The following PRKCE variants were observed in gnomAD, a reference collection of about 807,000 sequenced individuals.
PRKCE encodes protein kinase C epsilon, also known as protein kinase C epsilon type.
Under a neutral mutation model 85.4 loss-of-function variants are expected in PRKCE, and 16 were observed. The observed-to-expected ratio is 0.19, with a 90% CI of 0.13 to 0.28. PRKCE has a LOEUF of 0.28. PRKCE is among the 10% of genes least tolerant of loss of function. The probability of loss-of-function intolerance (pLI) is 1.00; values close to 1 mark genes in which losing one functional copy is unlikely to be tolerated. For missense variants in PRKCE, 573 were observed against 975.2 expected, an observed-to-expected ratio of 0.59 and a Z score of 5.49; for synonymous variants, 388 against 371.5, an observed-to-expected ratio of 1.04 and a Z score of -0.51.
rs984134612 is a variant in PRKCE at position 45,903,885 on chromosome 2, T to C, written c.412+60822T>C. On this transcript the variant is annotated intron_variant, in intron 2 of 14. Transcript: ENST00000306156. ...ATGAGAGCTTGTAGCCTGGCAGTTT[T>C]TTTTTGTTTGTTTGTTTGTTTGTTT... Among the ~76,000 whole-genome samples the C allele has an allele frequency of 3.2e-4, 34 of 105,898 alleles. 1 individual carries two copies. In the East Asian group the frequency reaches 8.9e-3, roughly 28 times the overall value. 69.5% of individuals were successfully genotyped at this position (105,898 alleles called of 152,430 possible).
intron 1 of PRKCE, among the ~76,000 whole-genome samples, chr2:45,737,330 GTCATCCC>G (rs1437736283): frequency 6.6e-6 from 1 of 152,178 alleles, no homozygotes; most frequent in Non-Finnish European, 1.5e-5. Flanking sequence ...TCTTCAAGGA[GTCATCCC>G]TCACTCCCCA....
chr2:46,101,551 G>T (rs963574865), intron 11 of PRKCE, among the ~76,000 whole-genome samples: 2 of 152,186 alleles, frequency 1.3e-5, no homozygotes, highest in East Asian at 1.9e-4. Context: ...CACAAATAGA[G>T]GCCAGGGACC....
intron 1 of PRKCE, among the ~76,000 whole-genome samples, chr2:45,659,550 A>G (rs868698449): frequency 2.6e-5 from 4 of 152,086 alleles, no homozygotes; most frequent in South Asian, 2.1e-4. Flanking sequence ...CAAGACCAAC[A>G]AAGTCAGGCC....
chr2:45,829,795 C>T (rs1202825232), intron 1 of PRKCE, among the ~76,000 whole-genome samples: 3 of 152,036 alleles, frequency 2.0e-5, no homozygotes, highest in African/African-American at 7.2e-5. Flanking sequence ...AAGGCTCGGC[C>T]GGGCGCGGTG....
intron 2 of PRKCE, among the ~76,000 whole-genome samples, chr2:45,885,356 G>T: frequency 6.6e-6 from 1 of 152,004 alleles, no homozygotes. Flanking sequence ...CGACCCTAGG[G>T]AACAGAGCAA....
chr2:45,901,415 C>A (rs981396022), intron 2 of PRKCE, among the ~76,000 whole-genome samples: 1 of 152,206 alleles, frequency 6.6e-6, no homozygotes, highest in Non-Finnish European at 1.5e-5. Flanking sequence ...TTTTTAGGAA[C>A]TAGATCCAAT....
chr2:45,717,265 T>A (rs952435925), intron 1 of PRKCE, among the ~76,000 whole-genome samples: 13 of 152,198 alleles, frequency 8.5e-5, no homozygotes, highest in Admixed American at 6.5e-4. Flanking sequence ...GCATCCAGGT[T>A]TGTGTGTCTG....
chr2:45,864,772 T>A (rs557869064), intron 2 of PRKCE, among the ~76,000 whole-genome samples: 4 of 152,200 alleles, frequency 2.6e-5, no homozygotes, highest in African/African-American at 9.7e-5. Flanking sequence ...AGCTTCTCTT[T>A]TGAGGTAGAG....
intron 2 of PRKCE, among the ~76,000 whole-genome samples, chr2:45,928,175 G>A (rs1249001327): frequency 6.6e-6 from 1 of 152,204 alleles, no homozygotes; most frequent in Non-Finnish European, 1.5e-5. Flanking sequence ...GGAAGAGGTG[G>A]CTGAGTCCCA....
At chr2:45,861,131 G>T (rs1349078197) in intron 2 of PRKCE, among the ~76,000 whole-genome samples, 1 of 152,138 alleles carries the variant, frequency 6.6e-6, no homozygotes, top group Admixed American at 6.5e-5. Flanking sequence ...CTACTCACTG[G>T]TTTTCTGGCT....
intron 2 of PRKCE, among the ~76,000 whole-genome samples, chr2:45,940,410 A>G: frequency 6.6e-6 from 1 of 152,244 alleles, no homozygotes; most frequent in East Asian, 1.9e-4. Flanking sequence ...TATTTGATGT[A>G]TGGATGGCCA....
At chr2:45,884,458 T>C (rs1035608721) in intron 2 of PRKCE, among the ~76,000 whole-genome samples, 1 of 152,152 alleles carries the variant, frequency 6.6e-6, no homozygotes, top group African/African-American at 2.4e-5. Context: ...ATCCTTGTGG[T>C]CTTAGGCAAG....
chr2:45,897,255 T>G (rs1696219252), intron 2 of PRKCE, among the ~76,000 whole-genome samples: 1 of 152,130 alleles, frequency 6.6e-6, no homozygotes. Context: ...GGCCCGTCCA[T>G]TCATGTAATC....
Position 46,144,073 on chromosome 2 carries a change from C to T in PRKCE, c.1593-1020C>T, listed in dbSNP as rs767550057. Among the ~76,000 whole-genome samples, 7 of 152,156 alleles carry T rather than the reference C, an allele frequency of 4.6e-5. No homozygotes were observed. In the East Asian group the frequency reaches 5.8e-4, roughly 13 times the overall value. Reference sequence around the variant, plus strand: ...CACCACCCAGTCTGGGTTCTTCTACCGTGTCAGGGCTGTGGGTTCCAGGCA... The same window carrying T: ...CACCACCCAGTCTGGGTTCTTCTACTGTGTCAGGGCTGTGGGTTCCAGGCA... On this transcript the variant is annotated intron_variant, in intron 11 of 14. Coordinates refer to ENST00000306156, the MANE Select transcript of PRKCE (RefSeq NM_005400.3).
chr2:45,993,821 T>C (rs1404859520), intron 6 of PRKCE, among the ~76,000 whole-genome samples: 1 of 152,148 alleles, frequency 6.6e-6, no homozygotes, highest in Non-Finnish European at 1.5e-5. Flanking sequence ...TGGTCTCTGA[T>C]CAGCCCGCGG....
chr2:46,160,918 C>G (rs984632220), intron 14 of PRKCE, among the ~76,000 whole-genome samples: 1 of 152,206 alleles, frequency 6.6e-6, no homozygotes, highest in Admixed American at 6.5e-5. Context: ...CAACCAGACT[C>G]GAGCACGTGG....
chr2:45,907,443 G>A lies in PRKCE; in HGVS notation c.412+64380G>A, dbSNP rs1328167909. On this transcript the variant is annotated intron_variant, in intron 2 of 14. Transcript: ENST00000306156. This position sits in a 1 kb window ranked among gnomAD's most constrained non-coding sequence, Gnocchi z 4.5. The stretch of plus-strand genomic sequence containing the variant: ...ATAGCTGTTGGGGTAACACTCCTGT[G>A]AACAAAACCAAGACGAGTTTTGTCC... 4.6e-5 allele frequency among the ~76,000 whole-genome samples: 7 copies of A among 152,188 alleles called. No individual in the cohort carries two copies. Among genetic ancestry groups the A allele is most frequent in the Admixed American group, 4.6e-4 (7 of 15,288 alleles).
intron 10 of PRKCE, among the ~76,000 whole-genome samples, chr2:46,021,388 G>GA (rs1323363373): frequency 5.9e-5 from 9 of 152,184 alleles, no homozygotes; most frequent in Non-Finnish European, 7.3e-5. Context: ...AAGGAAAAAT[G>GA]AAAAGCAGAG....
At chr2:45,755,471 C>T (rs373834227) in intron 1 of PRKCE, among the ~76,000 whole-genome samples, 36 of 152,200 alleles carry the variant, frequency 2.4e-4, no homozygotes, top group African/African-American at 7.5e-4. Flanking sequence ...CTTCATTCTA[C>T]GGTGACTGCT....
Sources: gnomAD v4.1 joint callset for allele counts (sites outside exome capture counted in the v4.1 genomes callset) on GRCh38, gnomAD v4.1.1 for gene constraint, Gnocchi (gnomAD v3.1) non-coding constraint, MANE v1.5 for transcripts, NCBI Gene and HGNC (gene_info 2026-07-23, HGNC 2026-07-21) for gene names.